The following RBMS3 variants were observed in gnomAD, a reference collection of about 807,000 sequenced individuals.
RBMS3 encodes the protein RNA binding motif single stranded interacting protein 3.
RBMS3 carries 27 observed loss-of-function variants against 66.8 expected under a neutral mutation model. That is an observed-to-expected ratio of 0.40 (90% confidence interval 0.30 to 0.56). The LOEUF is 0.56. RBMS3 is among the 20% of genes least tolerant of loss of function. The pLI is 0.40. For synonymous variants in RBMS3, 188 were observed against 183.0 expected (o/e 1.03, Z -0.22); for missense variants, 513 against 549.5 (o/e 0.93, Z 0.66).
intron 1 of RBMS3, among the ~76,000 whole-genome samples, chr3:29,396,889 G>C (rs7642108): frequency 0.73 from 111,295 of 152,060 alleles, 40,982 homozygotes; most frequent in East Asian, 0.96. Context: ...AGGCAGGGAC[G>C]TTTTCTCTTG....
At chr3:29,737,267 G>A (rs1309283542) in intron 4 of RBMS3, among the ~76,000 whole-genome samples, 1 of 152,124 alleles carries the variant, frequency 6.6e-6, no homozygotes, top group Non-Finnish European at 1.5e-5. Context: ...GAGCCACTGC[G>A]CCCGGCCTAC....
chr3:29,961,060 C>T (rs1031890805), intron 12 of RBMS3, among the ~76,000 whole-genome samples: 1 of 152,164 alleles, frequency 6.6e-6, no homozygotes, highest in African/African-American at 2.4e-5. Flanking sequence ...TTTCCTATAG[C>T]ATTGTCAAGA....
At chr3:29,941,781 C>T (rs957955802) in intron 11 of RBMS3, among the ~76,000 whole-genome samples, 2 of 151,596 alleles carry the variant, frequency 1.3e-5, no homozygotes, top group African/African-American at 4.8e-5. Context: ...GGAACATGTA[C>T]AAAAATTGTA....
At chr3:29,565,453 A>C (rs1466276269) in intron 3 of RBMS3, among the ~76,000 whole-genome samples, 1 of 152,132 alleles carries the variant, frequency 6.6e-6, no homozygotes, top group Non-Finnish European at 1.5e-5. Flanking sequence ...CTTCTTTGTG[A>C]GCACCCTTGA....
intron 14 of RBMS3, among the ~76,000 whole-genome samples, chr3:29,999,835 C>G (rs939832048): frequency 1.3e-5 from 2 of 151,886 alleles, no homozygotes; most frequent in Admixed American, 6.6e-5. Flanking sequence ...GTGCAGCACA[C>G]CAACATGGCA....
At chr3:29,569,382 A>G (rs1184994425) in intron 3 of RBMS3, among the ~76,000 whole-genome samples, 4 of 152,050 alleles carry the variant, frequency 2.6e-5, no homozygotes, top group Admixed American at 2.0e-4. Context: ...AAGCATACTA[A>G]TTTACAAATT....
chr3:29,708,161 G>C (rs2052995963), intron 4 of RBMS3, among the ~76,000 whole-genome samples: 1 of 152,092 alleles, frequency 6.6e-6, no homozygotes, highest in Non-Finnish European at 1.5e-5. Context: ...CTCTCAGATG[G>C]TACCTTATAT....
At chr3:29,997,110 C>G (rs1419681218) in intron 14 of RBMS3, among the ~76,000 whole-genome samples, 1 of 151,618 alleles carries the variant, frequency 6.6e-6, no homozygotes, top group African/African-American at 2.4e-5. Context: ...CACAGAAATA[C>G]AAACTACCAT....
At chr3:29,563,446 G>T (rs1057251685) in intron 3 of RBMS3, among the ~76,000 whole-genome samples, 2 of 152,126 alleles carry the variant, frequency 1.3e-5, no homozygotes, top group African/African-American at 4.8e-5. Context: ...AGACATTTCT[G>T]CAGTGGGTAA....
At position 30,006,651 on chromosome 3, in the gene RBMS3, C is replaced by CTCTT. The variant is rs531408800; in HGVS notation, c.*2791_*2794dup. 6 of 152,006 alleles carry CTCTT rather than the reference C, an allele frequency of 3.9e-5. No homozygotes were observed. In the East Asian group the frequency reaches 5.8e-4, roughly 15 times the overall value. 9.4% of individuals were successfully genotyped at this position (152,006 alleles called of 1,614,324 possible). A position where few individuals can be genotyped will look rare whatever the true frequency, so the allele number is the denominator to read the frequency against. On this transcript the variant is annotated 3_prime_UTR_variant, in exon 15 of 15. Transcript: ENST00000383767. ...CTGTTTCTCTTTTTCACTCTCTAAA[C>CTCTT]TCTTTTTGTATAAATAAGGATTATC...
chr3:29,606,975 T>C (rs2048337570), intron 4 of RBMS3, among the ~76,000 whole-genome samples: 2 of 151,940 alleles, frequency 1.3e-5, no homozygotes, highest in Admixed American at 1.3e-4. Flanking sequence ...GCCAGATAAA[T>C]TAATAAATAA....
intron 2 of RBMS3, among the ~76,000 whole-genome samples, chr3:29,481,387 G>A (rs980589097): frequency 3.3e-5 from 5 of 152,136 alleles, no homozygotes; most frequent in Admixed American, 2.0e-4. Context: ...TCTGGAGATG[G>A]GGTACTGTTC....
chr3:29,583,576 A>G (rs1442758885), intron 3 of RBMS3, among the ~76,000 whole-genome samples: 1 of 152,164 alleles, frequency 6.6e-6, no homozygotes. Flanking sequence ...AACACCTGGT[A>G]ATGGAGAGTG....
At chr3:29,407,710 C>CTGAA (rs932654000) in intron 1 of RBMS3, among the ~76,000 whole-genome samples, 16 of 152,108 alleles carry the variant, frequency 1.1e-4, no homozygotes, top group African/African-American at 3.6e-4. Context: ...GCTTCTGTGG[C>CTGAA]TGAAATGCCA....
chr3:29,967,019 C>T (rs1397485315), intron 12 of RBMS3, among the ~76,000 whole-genome samples: 2 of 152,028 alleles, frequency 1.3e-5, no homozygotes, highest in Non-Finnish European at 2.9e-5. Flanking sequence ...TTAAACCATC[C>T]CTGCATCTCT....
chr3:29,912,327 T>C (rs556367328), intron 10 of RBMS3, among the ~76,000 whole-genome samples: 1 of 152,180 alleles, frequency 6.6e-6, no homozygotes, highest in East Asian at 1.9e-4. Flanking sequence ...TAGACAAGGA[T>C]ACTGACAAAG....
chr3:29,943,604 T>C (rs1260479876), intron 11 of RBMS3, among the ~76,000 whole-genome samples: 1 of 151,764 alleles, frequency 6.6e-6, no homozygotes, highest in Non-Finnish European at 1.5e-5. Flanking sequence ...TAGATTCTGT[T>C]CTGTGTATCT....
chr3:29,424,734 G>A (rs142788384), intron 1 of RBMS3, among the ~76,000 whole-genome samples: 6 of 152,044 alleles, frequency 3.9e-5, no homozygotes, highest in East Asian at 1.9e-4. Flanking sequence ...AGTAATTTTC[G>A]TTATACGTAA....
At chr3:29,622,758 T>C (rs2048911138) in intron 4 of RBMS3, among the ~76,000 whole-genome samples, 1 of 152,162 alleles carries the variant, frequency 6.6e-6, no homozygotes, top group Non-Finnish European at 1.5e-5. Flanking sequence ...ACTCTGCCAC[T>C]GTGGAAGCTT....
Sources: allele counts gnomAD v4.1 joint callset (sites outside exome capture counted in the v4.1 genomes callset), GRCh38; gene constraint gnomAD v4.1.1; transcripts MANE v1.5; gene names NCBI Gene and HGNC (gene_info 2026-07-23, HGNC 2026-07-21).